FRMPD1: variants seen among roughly 807,000 people sequenced by gnomAD.
The protein encoded by FRMPD1 is FERM and PDZ domain-containing protein 1.
A neutral mutation model predicts 117.8 loss-of-function variants in FRMPD1; 76 were observed. The ratio of observed to expected loss-of-function variants is 0.65; its 90% confidence interval spans 0.54 to 0.78. The LOEUF is 0.78. FRMPD1 is among the 30% of genes least tolerant of loss of function. The probability of loss-of-function intolerance (pLI) is 0.00; values close to 1 mark genes in which losing one functional copy is unlikely to be tolerated. For synonymous variants in FRMPD1, 783 were observed against 770.4 expected (o/e 1.02, Z -0.27); for missense variants, 1,786 against 1,964.5 (o/e 0.91, Z 1.72).
the FRMPD1 span, among the ~76,000 whole-genome samples, chr9:37,641,675 C>G: frequency 6.6e-6 from 1 of 152,182 alleles, no homozygotes; most frequent in South Asian, 2.1e-4. Context: ...TCATCCCTCC[C>G]TCTCCCTATC....
chr9:37,659,896 C>G (rs1588905184), intron 1 of FRMPD1, among the ~76,000 whole-genome samples: 1 of 136,536 alleles, frequency 7.3e-6, no homozygotes, highest in Admixed American at 7.7e-5. Context: ...GCTTTGTTTG[C>G]AGTTGACTTT....
At chr9:37,674,681 G>A (rs960227120) in intron 1 of FRMPD1, among the ~76,000 whole-genome samples, 1 of 152,176 alleles carries the variant, frequency 6.6e-6, no homozygotes, top group African/African-American at 2.4e-5. Flanking sequence ...AGTGGGAGGC[G>A]AAAGGCACTT....
intron 15 of FRMPD1, among the ~76,000 whole-genome samples, chr9:37,743,033 ATGAC>A (rs1824494941): frequency 6.6e-6 from 1 of 152,244 alleles, no homozygotes; most frequent in Non-Finnish European, 1.5e-5. Context: ...CAGGTTAGAA[ATGAC>A]TGGTCTGACT....
intron 1 of FRMPD1, among the ~76,000 whole-genome samples, chr9:37,690,241 G>A (rs1487847642): frequency 6.6e-6 from 1 of 151,498 alleles, no homozygotes; most frequent in Admixed American, 6.6e-5. Context: ...TTATTTTTCT[G>A]TTTTTATTAA....
At chr9:37,664,688 T>C (rs1262893354) in intron 1 of FRMPD1, among the ~76,000 whole-genome samples, 1 of 152,198 alleles carries the variant, frequency 6.6e-6, no homozygotes, top group African/African-American at 2.4e-5. Flanking sequence ...AGATATGCTA[T>C]AGACACTAAA....
the FRMPD1 span, among the ~76,000 whole-genome samples, chr9:37,627,780 G>A: frequency 2.0e-5 from 3 of 152,218 alleles, no homozygotes; most frequent in African/African-American, 7.2e-5. Context: ...ATACTTGGTG[G>A]TGAAGGATTC....
chr9:37,706,796 A>G (rs79252963), intron 2 of FRMPD1, among the ~76,000 whole-genome samples: 1 of 152,356 alleles, frequency 6.6e-6, no homozygotes, highest in East Asian at 1.9e-4. Context: ...AAATCTTGCT[A>G]TAAAATTATC....
chr9:37,727,378 G>A (rs12000641), intron 7 of FRMPD1, among the ~76,000 whole-genome samples: 69 of 152,204 alleles, frequency 4.5e-4, no homozygotes, highest in African/African-American at 1.5e-3. Flanking sequence ...TAGCAAATGC[G>A]CATGGCTATA....
chr9:37,713,021 A>G (rs1394147511), intron 5 of FRMPD1, among the ~76,000 whole-genome samples: 1 of 151,962 alleles, frequency 6.6e-6, no homozygotes, highest in Non-Finnish European at 1.5e-5. Flanking sequence ...GATACATACT[A>G]TGTTCCTTGA....
chr9:37,617,474 C>T, the FRMPD1 span, among the ~76,000 whole-genome samples: 2 of 152,232 alleles, frequency 1.3e-5, no homozygotes, highest in Admixed American at 1.3e-4. Context: ...ATAGCACTCA[C>T]TTTATAGAAT....
intron 5 of FRMPD1, among the ~76,000 whole-genome samples, chr9:37,713,200 TAGGC>T (rs1822976111): frequency 6.6e-6 from 1 of 152,190 alleles, no homozygotes; most frequent in Non-Finnish European, 1.5e-5. Flanking sequence ...ATGGCCTTGA[TAGGC>T]AGGTTTAAAA....
rs1588973208 is a variant in FRMPD1, at chr9:37,740,649, C to T, written c.2121C>T (p.Tyr707=). Residue 707 remains tyrosine (Y), a synonymous_variant, in exon 15 of 16, where the codon TAC becomes TAT. Coordinates refer to ENST00000377765, the MANE Select transcript of FRMPD1 (RefSeq NM_014907.3). The surrounding 1 kb of genome is among the most constrained non-coding windows in gnomAD (Gnocchi z 4.2). ...ATGAAGGCAGCCACGCTGACTACTA[C>T]AGCCTGTGTTCCAGTGTCTCCCCGG... is the stretch of plus-strand genomic sequence containing the variant. ...RLYEGSHADY[Y]SLCSSVSPAS... 2 of 1,614,200 alleles carry T rather than the reference C, an allele frequency of 1.2e-6. No individual in the cohort carries two copies. Among genetic ancestry groups the T allele is most frequent in the Non-Finnish European group, 1.7e-6 (2 of 1,180,016 alleles).
At chr9:37,729,630 A>C in intron 7 of FRMPD1, 98 bp from the exon 8 acceptor site, 1 of 1,293,190 alleles carries the variant, frequency 7.7e-7, no homozygotes, top group Non-Finnish European at 1.1e-6. Flanking sequence ...ATGTCAGTGC[A>C]GGCTTTTCTC....
At chr9:37,609,709 T>C in the FRMPD1 span, among the ~76,000 whole-genome samples, 1 of 151,992 alleles carries the variant, frequency 6.6e-6, no homozygotes, top group East Asian at 1.9e-4. Context: ...TTTCAGCGGC[T>C]TCCCATCTGA....
rs1272922783 is a variant in FRMPD1 at position 37,744,909 on chromosome 9, C to CCCTGCTG, written c.2880_2886dup (p.Ser963CysfsTer13). The CCCTGCTG allele has an allele frequency of 6.2e-7, 1 of 1,614,084 alleles. No individual in the cohort carries two copies. Among genetic ancestry groups the CCCTGCTG allele is most frequent in the African/African-American group, 1.3e-5 (1 of 74,932 alleles). On this transcript the variant is annotated frameshift_variant, in exon 16 of 16. Coordinates refer to ENST00000377765, the MANE Select transcript of FRMPD1 (RefSeq NM_014907.3). LOFTEE classifies it low-confidence loss of function (END_TRUNC). ...ACAATAAAGAGAATTCTGGTGTTGT[C>CCCTGCTG]CCTGCTGCCAGCTCCTCAGCAAGCA...
At chr9:37,728,468 TG>T (rs1015485138) in intron 7 of FRMPD1, among the ~76,000 whole-genome samples, 1 of 152,124 alleles carries the variant, frequency 6.6e-6, no homozygotes, top group Non-Finnish European at 1.5e-5. Flanking sequence ...GAAAGTATAC[TG>T]GGCAGAGGGA....
chr9:37,712,102 T>C (rs1166084092), intron 5 of FRMPD1, among the ~76,000 whole-genome samples: 1 of 152,154 alleles, frequency 6.6e-6, no homozygotes, highest in African/African-American at 2.4e-5. Flanking sequence ...AATAATGTAC[T>C]TAATAATCTA....
intron 1 of FRMPD1, among the ~76,000 whole-genome samples, chr9:37,680,794 C>G (rs931015946): frequency 6.6e-5 from 10 of 152,076 alleles, no homozygotes; most frequent in African/African-American, 2.4e-4. Flanking sequence ...GTATTCAATG[C>G]CCTTTTCTAT....
chr9:37,699,992 G>T (rs1822476604), intron 2 of FRMPD1, among the ~76,000 whole-genome samples: 1 of 152,092 alleles, frequency 6.6e-6, no homozygotes, highest in Non-Finnish European at 1.5e-5. Context: ...AACTTACTTG[G>T]TTATTACAAC....
Sources: gnomAD v4.1 joint callset for allele counts (sites outside exome capture counted in the v4.1 genomes callset) on GRCh38, gnomAD v4.1.1 for gene constraint, Gnocchi (gnomAD v3.1) non-coding constraint, MANE v1.5 for transcripts, NCBI Gene and HGNC (gene_info 2026-07-23, HGNC 2026-07-21) for gene names.